The following FOXP2 variants were observed in gnomAD, a reference collection of about 807,000 sequenced individuals.
FOXP2 encodes forkhead box protein P2.
FOXP2 carries 12 observed loss-of-function variants against 115.8 expected under a neutral mutation model. That is an observed-to-expected ratio of 0.10 (90% CI 0.07 to 0.17). FOXP2 has a LOEUF of 0.17. FOXP2 is among the 10% of genes least tolerant of loss of function. The probability of loss-of-function intolerance (pLI) is 1.00; values close to 1 mark genes in which losing one functional copy is unlikely to be tolerated. For synonymous variants in FOXP2, 328 were observed against 297.7 expected, an observed-to-expected ratio of 1.10 and a Z score of -1.05; for missense variants, 629 against 843.5, an observed-to-expected ratio of 0.75 and a Z score of 3.15.
intron 1 of FOXP2, among the ~76,000 whole-genome samples, chr7:114,108,846 A>AT (rs1264404111): frequency 6.6e-6 from 1 of 151,974 alleles, no homozygotes; most frequent in African/African-American, 2.4e-5. Context: ...GTTTCATTTA[A>AT]TTGCTACATT....
intron 3 of FOXP2, among the ~76,000 whole-genome samples, chr7:114,560,674 T>G (rs542336473): frequency 4.6e-5 from 7 of 152,138 alleles, no homozygotes; most frequent in Non-Finnish European, 1.0e-4. Flanking sequence ...TTACTTCACT[T>G]AAGTTTGCAA....
intron 16 of FOXP2, 96 bp from the exon 17 acceptor site, chr7:114,689,686 C>T: frequency 8.1e-7 from 1 of 1,228,706 alleles, no homozygotes; most frequent in Non-Finnish European, 1.2e-6. Context: ...GTTGTGTCTT[C>T]TTGCCTTTTT....
intron 16 of FOXP2, among the ~76,000 whole-genome samples, chr7:114,676,012 C>T (rs530456716): frequency 1.3e-5 from 2 of 150,282 alleles, no homozygotes; most frequent in African/African-American, 2.4e-5. Flanking sequence ...CCAGTTCAGG[C>T]GATTCTCTTG....
intron 1 of FOXP2, among the ~76,000 whole-genome samples, chr7:114,266,471 A>G (rs1056929641): frequency 1.1e-4 from 16 of 152,162 alleles, no homozygotes; most frequent in African/African-American, 3.6e-4. Flanking sequence ...GTGGAAAGTG[A>G]AGCAGGAGCA....
intron 2 of FOXP2, among the ~76,000 whole-genome samples, chr7:114,475,009 G>A (rs754195797): frequency 2.0e-5 from 3 of 151,826 alleles, no homozygotes; most frequent in Non-Finnish European, 4.4e-5. Context: ...GCCCTGCTTG[G>A]TACTAGCCCA....
Position 114,629,626 on chromosome 7 carries a change from C to T in FOXP2, c.397-179C>T, listed in dbSNP as rs773069565. Reference sequence around the variant, plus strand: ...GATTCTGGATTGGAAAATTTCAGAGCTGCCTTGGAAAAAAATGTATGTAGA... The same window carrying T: ...GATTCTGGATTGGAAAATTTCAGAGTTGCCTTGGAAAAAAATGTATGTAGA... On this transcript the variant is annotated intron_variant, in intron 4 of 16. Transcript: ENST00000350908. 54 of 1,577,678 alleles carry T rather than the reference C, an allele frequency of 3.4e-5. No homozygotes were observed. The highest frequency in any genetic ancestry group is 4.6e-5 in the Non-Finnish European group (54 of 1,167,726).
At chr7:114,261,360 G>A (rs1277935757) in intron 1 of FOXP2, among the ~76,000 whole-genome samples, 3 of 152,030 alleles carry the variant, frequency 2.0e-5, no homozygotes, top group African/African-American at 7.2e-5. Flanking sequence ...CTTCAATATT[G>A]TATAAATATT....
intron 1 of FOXP2, among the ~76,000 whole-genome samples, chr7:114,122,799 A>T (rs1791601592): frequency 6.6e-6 from 1 of 152,108 alleles, no homozygotes; most frequent in Non-Finnish European, 1.5e-5. Flanking sequence ...ATAACATTTG[A>T]ATACACATAA....
chr7:114,386,871 T>A (rs1029000764), intron 2 of FOXP2, among the ~76,000 whole-genome samples: 27 of 152,362 alleles, frequency 1.8e-4, no homozygotes, highest in South Asian at 4.1e-4. Context: ...TTGAAAACTT[T>A]CAGAAACACA....
intron 3 of FOXP2, among the ~76,000 whole-genome samples, chr7:114,556,319 G>A (rs568297053): frequency 1.3e-5 from 2 of 151,828 alleles, no homozygotes; most frequent in South Asian, 4.2e-4. Context: ...ATCCTTATTG[G>A]CAAGAAAAGG....
At chr7:114,333,313 A>T (rs1381820122) in intron 2 of FOXP2, among the ~76,000 whole-genome samples, 1 of 152,208 alleles carries the variant, frequency 6.6e-6, no homozygotes, top group Non-Finnish European at 1.5e-5. Context: ...AATTTTTAGA[A>T]CGAAAAAGCT....
intron 2 of FOXP2, among the ~76,000 whole-genome samples, chr7:114,438,185 T>A (rs577827085): frequency 6.6e-6 from 1 of 152,282 alleles, no homozygotes; most frequent in South Asian, 2.1e-4. Flanking sequence ...TGGAGTTAGG[T>A]TTGAGGCATT....
intron 2 of FOXP2, among the ~76,000 whole-genome samples, chr7:114,432,732 T>G (rs928644744): frequency 6.6e-6 from 1 of 151,914 alleles, no homozygotes; most frequent in Non-Finnish European, 1.5e-5. Context: ...AGAGTTAACT[T>G]TTTACTGTTT....
intron 3 of FOXP2, among the ~76,000 whole-genome samples, chr7:114,562,687 T>C (rs1423044101): frequency 6.6e-6 from 1 of 152,148 alleles, no homozygotes. Context: ...GTGCCTTCCC[T>C]TCCCACCTTT....
At chr7:114,548,940 G>A (rs1436610154) in intron 3 of FOXP2, among the ~76,000 whole-genome samples, 1 of 152,128 alleles carries the variant, frequency 6.6e-6, no homozygotes, top group Non-Finnish European at 1.5e-5. Context: ...GTTTCATTTA[G>A]CTATTACATA....
intron 2 of FOXP2, among the ~76,000 whole-genome samples, chr7:114,431,082 A>G (rs750633245): frequency 6.6e-6 from 1 of 151,928 alleles, no homozygotes. Flanking sequence ...TCCATTCACT[A>G]TAGGTACAAG....
At chr7:114,633,661 A>G (rs971808630) in intron 6 of FOXP2, among the ~76,000 whole-genome samples, 3 of 152,148 alleles carry the variant, frequency 2.0e-5, no homozygotes, top group African/African-American at 4.8e-5. Flanking sequence ...TACGATTTAG[A>G]TGATTAAGTG....
chr7:114,537,917 G>A (rs922011535), intron 3 of FOXP2, among the ~76,000 whole-genome samples: 9 of 151,562 alleles, frequency 5.9e-5, no homozygotes, highest in Admixed American at 4.6e-4. Context: ...ATTACCAGAT[G>A]TTTCTGCTTT....
intron 1 of FOXP2, among the ~76,000 whole-genome samples, chr7:114,114,317 A>G (rs1233235697): frequency 6.6e-6 from 1 of 151,640 alleles, no homozygotes; most frequent in East Asian, 1.9e-4. Flanking sequence ...TTAGGAAAGG[A>G]AATATTCTTT....
Sources: gnomAD v4.1 joint callset for allele counts (sites outside exome capture counted in the v4.1 genomes callset) on GRCh38, gnomAD v4.1.1 for gene constraint, MANE v1.5 for transcripts, NCBI Gene and HGNC (gene_info 2026-07-23, HGNC 2026-07-21) for gene names.